The following RCAN2 variants were observed in gnomAD, a reference collection of about 807,000 sequenced individuals.
RCAN2 encodes calcipressin-2.
Under a neutral mutation model 23.6 loss-of-function variants are expected in RCAN2, and 9 were observed. The ratio of observed to expected loss-of-function variants is 0.38; its 90% CI spans 0.23 to 0.67. RCAN2 has a LOEUF of 0.67. Ranked by LOEUF, RCAN2 falls within the 30% of genes least tolerant of loss-of-function variation. The pLI, the probability that RCAN2 is intolerant of heterozygous loss-of-function variation, is 0.51. For synonymous variants in RCAN2, 109 were observed against 115.7 expected (o/e 0.94, Z 0.37); for missense variants, 273 against 302.3 (o/e 0.90, Z 0.72).
intron 2 of RCAN2, among the ~76,000 whole-genome samples, chr6:46,415,229 C>T (rs762132916): frequency 9.2e-5 from 14 of 152,090 alleles, no homozygotes; most frequent in Admixed American, 2.0e-4. Context: ...CTGATGACGG[C>T]GGAACCAGGG....
chr6:46,458,886 C>CGT (rs1052352926), intron 1 of RCAN2, among the ~76,000 whole-genome samples: 4 of 115,086 alleles, frequency 3.5e-5, no homozygotes, highest in Non-Finnish European at 7.6e-5. Context: ...TACAGGAAAA[C>CGT]GCGCGCGCAC....
rs796246495 is a variant in RCAN2 at position 46,329,918 on chromosome 6, A to G, written c.226-81022T>C. 1.0e-3 allele frequency among the ~76,000 whole-genome samples: 155 copies of G among 152,292 alleles called. 1 individual carries two copies. Among genetic ancestry groups the G allele is most frequent in the African/African-American group, 3.6e-3 (149 of 41,570 alleles). On this transcript the variant is annotated intron_variant, in intron 2 of 4. Transcript: ENST00000371374. ...CTCACCTCCATCTCAGCAGGAGGAG[A>G]TGCACACCTTCCAATCCCAGAGGAA... is the stretch of plus-strand genomic sequence containing the variant.
chr6:46,441,796 T>C (rs1767552444), intron 2 of RCAN2, among the ~76,000 whole-genome samples: 1 of 152,198 alleles, frequency 6.6e-6, no homozygotes, highest in Admixed American at 6.5e-5. Context: ...ATACCCATTT[T>C]GCTAAAAGGG....
intron 2 of RCAN2, among the ~76,000 whole-genome samples, chr6:46,314,825 C>T (rs1352844480): frequency 6.6e-6 from 1 of 152,140 alleles, no homozygotes; most frequent in Non-Finnish European, 1.5e-5. Flanking sequence ...CTTTGGGAGG[C>T]CTAGGCAGGC....
At chr6:46,288,025 G>A (rs1762427209) in intron 2 of RCAN2, among the ~76,000 whole-genome samples, 1 of 152,158 alleles carries the variant, frequency 6.6e-6, no homozygotes, top group Admixed American at 6.5e-5. Flanking sequence ...TTGCAGGGAG[G>A]GGAGAGGGTT....
intron 1 of RCAN2, among the ~76,000 whole-genome samples, chr6:46,480,564 C>A (rs1768832862): frequency 6.6e-6 from 1 of 151,892 alleles, no homozygotes; most frequent in Non-Finnish European, 1.5e-5. Context: ...AGGTCACATT[C>A]TGGAAAAAAG....
intron 2 of RCAN2, among the ~76,000 whole-genome samples, chr6:46,366,706 A>AT (rs1275032782): frequency 6.6e-6 from 1 of 151,862 alleles, no homozygotes; most frequent in Non-Finnish European, 1.5e-5. Flanking sequence ...CTTCAGCAGG[A>AT]ATCCTGGTAG....
chr6:46,414,968 C>A (rs1459762581), intron 2 of RCAN2, among the ~76,000 whole-genome samples: 2 of 152,148 alleles, frequency 1.3e-5, no homozygotes, highest in Non-Finnish European at 2.9e-5. Context: ...TGTGAATTCT[C>A]TAATGTGGTT....
rs137942713 is a variant in RCAN2, at chr6:46,466,899, T to G, written c.-2-9921A>C. 6.0e-4 allele frequency among the ~76,000 whole-genome samples: 91 copies of G among 152,304 alleles called. No homozygotes were observed. The East Asian group carries it at 0.017, about 29-fold the overall frequency. ...TATAAATATTAAATAGCTGTGTAGCTTTGGCCAATTTCCTCAAGCTTTCCT... is the reference window on the plus strand; with the variant it reads ...TATAAATATTAAATAGCTGTGTAGCGTTGGCCAATTTCCTCAAGCTTTCCT... On this transcript the variant is annotated intron_variant, in intron 1 of 4. Transcript: ENST00000371374.
chr6:46,254,750 G>T (rs1766848914), intron 2 of RCAN2, among the ~76,000 whole-genome samples: 1 of 151,962 alleles, frequency 6.6e-6, no homozygotes, highest in Admixed American at 6.6e-5. Flanking sequence ...TTTGGAAATA[G>T]GGTCATCAAA....
intron 2 of RCAN2, among the ~76,000 whole-genome samples, chr6:46,366,418 A>T (rs935751103): frequency 1.3e-5 from 2 of 152,136 alleles, no homozygotes; most frequent in Admixed American, 1.3e-4. Flanking sequence ...ATCACTGGCC[A>T]TACTCTAACT....
At chr6:46,266,659 G>T (rs1005799885) in intron 2 of RCAN2, among the ~76,000 whole-genome samples, 1 of 152,164 alleles carries the variant, frequency 6.6e-6, no homozygotes, top group South Asian at 2.1e-4. Context: ...CAGGCTTTGC[G>T]TCATGGATAT....
intron 4 of RCAN2, among the ~76,000 whole-genome samples, chr6:46,232,022 C>T (rs1289679171): frequency 6.6e-6 from 1 of 152,192 alleles, no homozygotes; most frequent in Non-Finnish European, 1.5e-5. Flanking sequence ...GGGAGAACTG[C>T]ATCAACAAGC....
intron 2 of RCAN2, among the ~76,000 whole-genome samples, chr6:46,368,527 TG>T (rs1447549491): frequency 6.6e-6 from 1 of 152,194 alleles, no homozygotes; most frequent in Non-Finnish European, 1.5e-5. Context: ...CAAACCTAGA[TG>T]GTATAGCCTA....
chr6:46,313,596 A>T (rs1392826077), intron 2 of RCAN2, among the ~76,000 whole-genome samples: 2 of 152,230 alleles, frequency 1.3e-5, no homozygotes, highest in Non-Finnish European at 2.9e-5. Flanking sequence ...GTTGCTTTCC[A>T]TTATACCTTT....
chr6:46,248,054 A>T (rs1239450678), intron 3 of RCAN2, among the ~76,000 whole-genome samples: 1 of 152,204 alleles, frequency 6.6e-6, no homozygotes, highest in African/African-American at 2.4e-5. Flanking sequence ...GGTGGAAACC[A>T]TACTTACAGA....
At chr6:46,396,429 A>C (rs1307149128) in intron 2 of RCAN2, among the ~76,000 whole-genome samples, 1 of 152,232 alleles carries the variant, frequency 6.6e-6, no homozygotes, top group African/African-American at 2.4e-5. Context: ...GAACCATTAA[A>C]GAGGGCTGAT....
At chr6:46,479,785 G>A (rs1416290170) in intron 1 of RCAN2, among the ~76,000 whole-genome samples, 2 of 152,156 alleles carry the variant, frequency 1.3e-5, no homozygotes, top group Admixed American at 6.5e-5. Context: ...GTTTCACCAT[G>A]TTGGGCAGGA....
At chr6:46,326,191 G>C (rs2150364553) in intron 2 of RCAN2, among the ~76,000 whole-genome samples, 1 of 152,332 alleles carries the variant, frequency 6.6e-6, no homozygotes. Context: ...GAGATAATTA[G>C]AGGTTTGTGG....
Sources: gnomAD v4.1 joint callset for allele counts (sites outside exome capture counted in the v4.1 genomes callset) on GRCh38, gnomAD v4.1.1 for gene constraint, MANE v1.5 for transcripts, NCBI Gene and HGNC (gene_info 2026-07-23, HGNC 2026-07-21) for gene names.